Variants in CACNG2 observed in about 807,000 individuals in gnomAD.
CACNG2 encodes the protein voltage-dependent calcium channel gamma-2 subunit.
CACNG2 carries 3 observed loss-of-function variants against 25.9 expected under a neutral mutation model. That is an observed-to-expected ratio of 0.12 (90% CI 0.05 to 0.30). The LOEUF is 0.30. Ranked by LOEUF, CACNG2 falls within the 10% of genes least tolerant of loss-of-function variation. CACNG2 has a pLI of 1.00. For missense variants in CACNG2, 341 were observed against 432.5 expected (o/e 0.79, Z 1.88); for synonymous variants, 167 against 173.3 (o/e 0.96, Z 0.29).
chr22:36,669,508 C>CA (rs1157379465), intron 1 of CACNG2, among the ~76,000 whole-genome samples: 5,676 of 60,378 alleles, frequency 0.094, 200 homozygotes, highest in Non-Finnish European at 0.13. Context: ...ACTCTATCTC[C>CA]AAAAAAAAAA....
chr22:36,649,661 T>A (rs999343608), intron 1 of CACNG2, among the ~76,000 whole-genome samples: 5 of 152,160 alleles, frequency 3.3e-5, no homozygotes, highest in African/African-American at 1.2e-4. Context: ...GTAGCTCCCA[T>A]CATTCCCACG....
chr22:36,613,233 C>T (rs1456762532), intron 1 of CACNG2, among the ~76,000 whole-genome samples: 3 of 151,890 alleles, frequency 2.0e-5, no homozygotes, highest in Non-Finnish European at 4.4e-5. Context: ...CTTTGGATCA[C>T]TCTTTGGGGA....
chr22:36,584,860 G>C (rs1569020688), intron 2 of CACNG2: 1 of 152,316 alleles, frequency 6.6e-6, no homozygotes, highest in African/African-American at 2.4e-5. Context: ...CAGATGAGCG[G>C]TGCAGATGGG....
intron 1 of CACNG2, among the ~76,000 whole-genome samples, chr22:36,668,129 T>C (rs1463635098): frequency 6.6e-6 from 1 of 152,210 alleles, no homozygotes; most frequent in Admixed American, 6.5e-5. Flanking sequence ...CTCCGCATCC[T>C]GATGCCTCTG....
intron 1 of CACNG2, among the ~76,000 whole-genome samples, chr22:36,643,271 C>T (rs932684117): frequency 9.9e-5 from 15 of 150,838 alleles, no homozygotes; most frequent in Non-Finnish European, 2.1e-4. Context: ...CTCTTTCCTT[C>T]CTTCCTTCCT....
intron 1 of CACNG2, among the ~76,000 whole-genome samples, chr22:36,593,752 T>C (rs188441788): frequency 3.0e-4 from 46 of 152,000 alleles, no homozygotes; most frequent in Non-Finnish European, 5.9e-4. Context: ...CACTGTGCGA[T>C]TGGTCCCAAC....
intron 1 of CACNG2, among the ~76,000 whole-genome samples, chr22:36,659,791 C>T (rs1355283566): frequency 1.3e-5 from 2 of 152,080 alleles, no homozygotes; most frequent in African/African-American, 2.4e-5. Flanking sequence ...AATTTAGCAG[C>T]CAGATGGAAC....
chr22:36,680,636 A>G (rs1008443531), intron 1 of CACNG2, among the ~76,000 whole-genome samples: 1 of 130,300 alleles, frequency 7.7e-6, no homozygotes, highest in African/African-American at 2.9e-5. Flanking sequence ...CACCACTAAC[A>G]CCACCATCAT....
At position 36,606,824 on chromosome 22, in the gene CACNG2, T is replaced by C. The variant is rs1935842391; in HGVS notation, c.212-19276A>G. The stretch of plus-strand genomic sequence containing the variant: ...TGTGTGTATGTCTGTGTGATGTGTG[T>C]GTCTGTGGGTCTCTGTGTGTGTGTA... On this transcript the variant is annotated intron_variant, in intron 1 of 3. Transcript: ENST00000300105. This position sits in a 1 kb window ranked among gnomAD's most constrained non-coding sequence, Gnocchi z 5.7. Among the ~76,000 whole-genome samples the C allele has an allele frequency of 1.3e-5, 2 of 149,536 alleles. 1 individual carries two copies. Among genetic ancestry groups the C allele is most frequent in the South Asian group, 4.2e-4 (2 of 4,766 alleles).
chr22:36,615,857 G>A (rs1217796771), intron 1 of CACNG2, among the ~76,000 whole-genome samples: 2 of 152,252 alleles, frequency 1.3e-5, no homozygotes, highest in South Asian at 2.1e-4. Context: ...TAAAAAAATT[G>A]TGTTAGTTAA....
At chr22:36,660,914 A>G (rs2145983391) in intron 1 of CACNG2, among the ~76,000 whole-genome samples, 1 of 152,332 alleles carries the variant, frequency 6.6e-6, no homozygotes, top group East Asian at 1.9e-4. Flanking sequence ...TCCTCATGTG[A>G]AAAATGGAGA....
intron 1 of CACNG2, among the ~76,000 whole-genome samples, chr22:36,646,882 T>G (rs778442222): frequency 2.0e-5 from 3 of 152,092 alleles, no homozygotes; most frequent in Non-Finnish European, 4.4e-5. Context: ...AGCTAGGTCC[T>G]GCTCACTTCA....
chr22:36,641,498 G>T (rs1478961656), intron 1 of CACNG2, among the ~76,000 whole-genome samples: 7 of 152,120 alleles, frequency 4.6e-5, no homozygotes, highest in Non-Finnish European at 7.4e-5. Context: ...AATACCCTTG[G>T]GAGGGGCAAC....
chr22:36,607,551 T>C (rs1250503971), intron 1 of CACNG2, among the ~76,000 whole-genome samples: 1 of 152,136 alleles, frequency 6.6e-6, no homozygotes, highest in Non-Finnish European at 1.5e-5. Context: ...GTCCCCTTGG[T>C]CCATTTTAAT....
In CACNG2 at chr22:36,602,664, G is replaced by T. The variant is rs569597110; in HGVS notation, c.212-15116C>A. ...GCCTTCCAAAGTGTTGGGATTACAG[G>T]CGTGAGCCACTGCGCCCGGACTACT... On this transcript the variant is annotated intron_variant, in intron 1 of 3. Transcript: ENST00000300105. Among the ~76,000 whole-genome samples the T allele has an allele frequency of 1.8e-4, 28 of 152,340 alleles. No individual in the cohort carries two copies. The South Asian group carries it at 4.4e-3, about 24-fold the overall frequency.
intron 1 of CACNG2, among the ~76,000 whole-genome samples, chr22:36,659,889 A>G (rs924311535): frequency 1.3e-5 from 2 of 151,436 alleles, no homozygotes; most frequent in Non-Finnish European, 2.9e-5. Flanking sequence ...CTGCCTGAGT[A>G]AGCAGTCCCC....
intron 1 of CACNG2, among the ~76,000 whole-genome samples, chr22:36,652,602 G>C (rs973271793): frequency 6.6e-6 from 1 of 152,100 alleles, no homozygotes; most frequent in Non-Finnish European, 1.5e-5. Context: ...TTTTCTGTGG[G>C]TGTTATCATA....
intron 1 of CACNG2, among the ~76,000 whole-genome samples, chr22:36,627,758 G>C (rs1383897482): frequency 1.3e-5 from 2 of 151,866 alleles, no homozygotes; most frequent in Non-Finnish European, 2.9e-5. Context: ...AAGTAGCTGG[G>C]ACTACAGGCG....
chr22:36,619,780 A>G (rs865964409), intron 1 of CACNG2, among the ~76,000 whole-genome samples: 19 of 152,368 alleles, frequency 1.2e-4, no homozygotes, highest in South Asian at 4.1e-4. Flanking sequence ...CTTTCCACTG[A>G]CACAGACTGT....
Sources: gnomAD v4.1 joint callset for allele counts (sites outside exome capture counted in the v4.1 genomes callset) on GRCh38, gnomAD v4.1.1 for gene constraint, Gnocchi (gnomAD v3.1) non-coding constraint, MANE v1.5 for transcripts, NCBI Gene and HGNC (gene_info 2026-07-23, HGNC 2026-07-21) for gene names.